The following SUGCT variants were observed in gnomAD, a reference collection of about 807,000 sequenced individuals.
The protein encoded by SUGCT is succinyl-CoA:glutarate-CoA transferase.
In SUGCT, 41 loss-of-function variants were observed where a neutral mutation model predicts 55.0. That is an observed-to-expected ratio of 0.74 (90% CI 0.58 to 0.97). The LOEUF (loss-of-function observed/expected upper bound fraction) is 0.97, where lower values mean the gene tolerates loss of function less well. SUGCT is among the 50% of genes least tolerant of loss of function. SUGCT has a pLI of 0.00. For synonymous variants in SUGCT, 187 were observed against 200.4 expected (o/e 0.93, Z 0.56); for missense variants, 568 against 547.8 (o/e 1.04, Z -0.37).
At chr7:40,915,940 C>A in the SUGCT span, among the ~76,000 whole-genome samples, 3 of 152,138 alleles carry the variant, frequency 2.0e-5, no homozygotes, top group African/African-American at 7.2e-5. Context: ...GCACATCACC[C>A]ATTAATCTTA....
Position 40,215,502 on chromosome 7 carries a change from A to G in SUGCT, c.484+20442A>G, listed in dbSNP as rs372517131. 6.0e-4 allele frequency among the ~76,000 whole-genome samples: 92 copies of G among 152,226 alleles called. 2 individuals are homozygous for G. In the South Asian group the frequency reaches 0.018, roughly 29 times the overall value. On this transcript the variant is annotated intron_variant, in intron 6 of 13. Transcript: ENST00000335693. ...TGCAGAACTTTGAGGATACTAGCAAACAATGGCTAGTGAGTTTCATGTATC... is the reference window on the plus strand; with the variant it reads ...TGCAGAACTTTGAGGATACTAGCAAGCAATGGCTAGTGAGTTTCATGTATC...
chr7:40,509,544 G>A (rs1218422407), intron 12 of SUGCT, among the ~76,000 whole-genome samples: 2 of 152,068 alleles, frequency 1.3e-5, no homozygotes, highest in East Asian at 1.9e-4. Context: ...GAAGTCCAGC[G>A]GGTAGGCAAA....
At chr7:40,973,381 A>T in the SUGCT span, among the ~76,000 whole-genome samples, 2 of 152,222 alleles carry the variant, frequency 1.3e-5, no homozygotes, top group African/African-American at 4.8e-5. Context: ...GAAATATGCA[A>T]TTCTTACTTT....
downstream of SUGCT, among the ~76,000 whole-genome samples, chr7:40,864,440 C>T (rs1192240065): frequency 6.6e-6 from 1 of 152,154 alleles, no homozygotes; most frequent in East Asian, 1.9e-4. Context: ...ACATGAGCCA[C>T]CATGCCCGGA....
At chr7:40,536,937 C>T (rs889863620) in intron 12 of SUGCT, among the ~76,000 whole-genome samples, 1 of 152,042 alleles carries the variant, frequency 6.6e-6, no homozygotes, top group Non-Finnish European at 1.5e-5. Flanking sequence ...GGAAATTAAA[C>T]AACAAAATCT....
Position 40,582,801 on chromosome 7 carries a change from C to T in SUGCT, c.1089+86415C>T, listed in dbSNP as rs555145292. 1.3e-4 allele frequency among the ~76,000 whole-genome samples: 20 copies of T among 152,156 alleles called. No individual in the cohort carries two copies. The East Asian group carries it at 2.9e-3, about 22-fold the overall frequency. ...TTGGGTGGGCCCTTAACTCCATGGC[C>T]GTCACAGAGCACATAGTCAGTATAT... On this transcript the variant is annotated intron_variant, in intron 12 of 13. Transcript: ENST00000335693.
chr7:40,970,378 G>A, the SUGCT span, among the ~76,000 whole-genome samples: 1 of 152,194 alleles, frequency 6.6e-6, no homozygotes, highest in South Asian at 2.1e-4. Context: ...CGCCATGTTA[G>A]CCAGGCTGGT....
At chr7:40,540,975 G>A (rs1794642324) in intron 12 of SUGCT, among the ~76,000 whole-genome samples, 1 of 152,086 alleles carries the variant, frequency 6.6e-6, no homozygotes, top group African/African-American at 2.4e-5. Context: ...TTATTTTTGT[G>A]TTTATGTTTT....
chr7:40,815,233 C>A (rs901030722), intron 13 of SUGCT, among the ~76,000 whole-genome samples: 1 of 152,188 alleles, frequency 6.6e-6, no homozygotes, highest in Non-Finnish European at 1.5e-5. Flanking sequence ...TCCAGGGGCC[C>A]CGATGGCAGG....
intron 8 of SUGCT, among the ~76,000 whole-genome samples, chr7:40,296,657 T>A (rs1325698587): frequency 8.9e-6 from 1 of 112,958 alleles, no homozygotes; most frequent in African/African-American, 3.1e-5. Context: ...GTGTGTGTAA[T>A]TAATTTTAAG....
rs528092923 is a variant in SUGCT at position 40,222,775 on chromosome 7, A to C, written c.485-14860A>C. Among the ~76,000 whole-genome samples, 11 of 152,134 alleles carry C rather than the reference A, an allele frequency of 7.2e-5. No homozygotes were observed. In the South Asian group the frequency reaches 2.3e-3, roughly 32 times the overall value. On this transcript the variant is annotated intron_variant, in intron 6 of 13. Coordinates refer to ENST00000335693, the MANE Select transcript of SUGCT (RefSeq NM_001193313.2). ...AGAATTGCTTGAACTCAGGAGGTGG[A>C]GGCTCCTCCATGCCCAGCTAATTTT...
At chr7:40,735,303 G>A (rs1035795248) in intron 12 of SUGCT, among the ~76,000 whole-genome samples, 2 of 152,158 alleles carry the variant, frequency 1.3e-5, no homozygotes, top group African/African-American at 4.8e-5. Flanking sequence ...GGATTCTGTT[G>A]TATTTCCTCT....
At chr7:40,532,402 A>G (rs4720367) in intron 12 of SUGCT, among the ~76,000 whole-genome samples, 39,161 of 151,956 alleles carry the variant, frequency 0.26, 7,186 homozygotes, top group African/African-American at 0.52. Flanking sequence ...TAAGCATTAG[A>G]TAGGTATCTG....
At chr7:40,532,530 G>GTC (rs1220120514) in intron 12 of SUGCT, among the ~76,000 whole-genome samples, 2 of 142,400 alleles carry the variant, frequency 1.4e-5, no homozygotes, top group Non-Finnish European at 3.1e-5. Context: ...GTATGTCTGT[G>GTC]TGTGTGTGTG....
intron 11 of SUGCT, among the ~76,000 whole-genome samples, chr7:40,471,744 A>G (rs969375289): frequency 6.6e-6 from 1 of 152,140 alleles, no homozygotes; most frequent in Non-Finnish European, 1.5e-5. Flanking sequence ...TCCCTGCTAT[A>G]TGGTAGAACA....
At chr7:40,955,775 A>G in the SUGCT span, among the ~76,000 whole-genome samples, 9 of 152,174 alleles carry the variant, frequency 5.9e-5, no homozygotes, top group African/African-American at 2.2e-4. Context: ...TTTGTCATAA[A>G]TAGCTCTTAT....
chr7:40,927,874 A>G, the SUGCT span, among the ~76,000 whole-genome samples: 2 of 152,150 alleles, frequency 1.3e-5, no homozygotes, highest in Non-Finnish European at 2.9e-5. Flanking sequence ...ATGTCTTTAG[A>G]TACCTTTATT....
chr7:40,433,399 A>G (rs1788010885), intron 9 of SUGCT, among the ~76,000 whole-genome samples: 1 of 151,690 alleles, frequency 6.6e-6, no homozygotes, highest in Non-Finnish European at 1.5e-5. Flanking sequence ...TATGTGACAT[A>G]TAATTCAGAT....
At chr7:40,308,739 A>G (rs774739282) in intron 8 of SUGCT, among the ~76,000 whole-genome samples, 1 of 152,192 alleles carries the variant, frequency 6.6e-6, no homozygotes. Flanking sequence ...GGCTGGGCAC[A>G]GTGACTCATG....
Sources: gnomAD v4.1 joint callset for allele counts (sites outside exome capture counted in the v4.1 genomes callset) on GRCh38, gnomAD v4.1.1 for gene constraint, MANE v1.5 for transcripts, NCBI Gene and HGNC (gene_info 2026-07-23, HGNC 2026-07-21) for gene names.